Variants in CDH12 observed in about 807,000 individuals in gnomAD.
CDH12 encodes cadherin-12.
In CDH12, 41 loss-of-function variants were observed where a neutral mutation model predicts 74.1. The observed-to-expected ratio is 0.55, with a 90% CI of 0.43 to 0.72. The LOEUF is 0.72. Ranked by LOEUF, CDH12 falls within the 30% of genes least tolerant of loss-of-function variation. CDH12 has a pLI of 0.00. For synonymous variants in CDH12, 399 were observed against 355.0 expected (o/e 1.12, Z -1.39); for missense variants, 945 against 977.2 (o/e 0.97, Z 0.44).
At chr5:22,173,558 T>C (rs1749164740) in intron 4 of CDH12, among the ~76,000 whole-genome samples, 1 of 151,288 alleles carries the variant, frequency 6.6e-6, no homozygotes, top group African/African-American at 2.4e-5. Flanking sequence ...ATATACAGAT[T>C]AGATATTCAA....
At chr5:22,339,140 G>A (rs1005054414) in intron 3 of CDH12, among the ~76,000 whole-genome samples, 3 of 152,106 alleles carry the variant, frequency 2.0e-5, no homozygotes, top group Admixed American at 2.0e-4. Context: ...ACAAATGTTT[G>A]TTTTTTTAAG....
chr5:22,660,713 G>T (rs1265520196), intron 1 of CDH12, among the ~76,000 whole-genome samples: 1 of 152,114 alleles, frequency 6.6e-6, no homozygotes, highest in Non-Finnish European at 1.5e-5. Context: ...CCACTGCCTG[G>T]CCCAGGGTTT....
At chr5:22,759,087 G>A (rs969653554) in intron 1 of CDH12, among the ~76,000 whole-genome samples, 3 of 151,806 alleles carry the variant, frequency 2.0e-5, no homozygotes, top group African/African-American at 7.3e-5. Flanking sequence ...ACCCAAACAA[G>A]TCCAAAAGAT....
intron 1 of CDH12, among the ~76,000 whole-genome samples, chr5:22,842,416 T>C (rs1467732876): frequency 6.6e-6 from 1 of 152,128 alleles, no homozygotes; most frequent in Non-Finnish European, 1.5e-5. Context: ...ATCCAATACA[T>C]GGCTGCCCAT....
intron 3 of CDH12, among the ~76,000 whole-genome samples, chr5:22,326,298 G>C (rs1420965719): frequency 1.3e-4 from 20 of 151,752 alleles, no homozygotes; most frequent in African/African-American, 2.4e-5. Flanking sequence ...GCAGTGGCGC[G>C]ATCTCGGCTC....
At chr5:22,030,207 A>G (rs1738719708) in intron 5 of CDH12, among the ~76,000 whole-genome samples, 1 of 152,090 alleles carries the variant, frequency 6.6e-6, no homozygotes, top group South Asian at 2.1e-4. Context: ...TGGCACATGT[A>G]TACATATGTA....
At chr5:22,598,237 AC>A (rs1736693165) in intron 1 of CDH12, among the ~76,000 whole-genome samples, 1 of 152,176 alleles carries the variant, frequency 6.6e-6, no homozygotes, top group Non-Finnish European at 1.5e-5. Flanking sequence ...ACAAAAATAA[AC>A]ATATTGATAT....
rs537405216 is a variant in CDH12, at chr5:22,309,227, T to C, written c.-333+96030A>G. Among the ~76,000 whole-genome samples, 9 of 152,326 alleles carry C rather than the reference T, an allele frequency of 5.9e-5. No individual in the cohort carries two copies. In the South Asian group the frequency reaches 1.9e-3, roughly 32 times the overall value. On this transcript the variant is annotated intron_variant, in intron 3 of 14. Coordinates refer to ENST00000382254, the MANE Select transcript of CDH12 (RefSeq NM_004061.5). Reference sequence around the variant, plus strand: ...AAATATTCCTTCTTCTCTAAGGTTGTTGTGTAAACCTATCAGATTAGTAAA... The same window carrying C: ...AAATATTCCTTCTTCTCTAAGGTTGCTGTGTAAACCTATCAGATTAGTAAA...
intron 1 of CDH12, among the ~76,000 whole-genome samples, chr5:22,510,537 G>C (rs976422182): frequency 6.6e-6 from 1 of 152,108 alleles, no homozygotes; most frequent in Non-Finnish European, 1.5e-5. Context: ...GTCATCCTTA[G>C]GCAGCCACAA....
chr5:21,826,631 T>C (rs769528281), intron 8 of CDH12, among the ~76,000 whole-genome samples: 7 of 152,158 alleles, frequency 4.6e-5, no homozygotes, highest in Non-Finnish European at 1.0e-4. Context: ...TAAAAACTCA[T>C]TGTCTTCTTT....
At chr5:22,735,083 T>C (rs756982753) in intron 1 of CDH12, among the ~76,000 whole-genome samples, 3 of 151,936 alleles carry the variant, frequency 2.0e-5, no homozygotes, top group Non-Finnish European at 4.4e-5. Flanking sequence ...CTGCAATTTA[T>C]AAGTTGTGTG....
intron 4 of CDH12, among the ~76,000 whole-genome samples, chr5:22,199,741 A>T (rs1413227227): frequency 1.3e-5 from 2 of 151,892 alleles, no homozygotes; most frequent in African/African-American, 4.8e-5. Flanking sequence ...TGTCTCTATT[A>T]TTTTTCTATT....
intron 3 of CDH12, among the ~76,000 whole-genome samples, chr5:22,215,132 A>C (rs1423315308): frequency 6.6e-6 from 1 of 152,148 alleles, no homozygotes; most frequent in Non-Finnish European, 1.5e-5. Flanking sequence ...AGACATTATA[A>C]TATTTTATTT....
Position 22,751,564 on chromosome 5 carries a change from T to C in CDH12, c.-523+101494A>G, listed in dbSNP as rs183025041. Among the ~76,000 whole-genome samples the C allele has an allele frequency of 8.5e-3, 1,289 of 152,160 alleles. 12 individuals carry two copies. The highest frequency in any genetic ancestry group is 0.013 in the Non-Finnish European group (881 of 67,940). ...CTGTTAGCGTCTGGAGTATTTCTCATCATTCTTAAAATAGACAACAGTAAT... is the reference window on the plus strand; with the variant it reads ...CTGTTAGCGTCTGGAGTATTTCTCACCATTCTTAAAATAGACAACAGTAAT... On this transcript the variant is annotated intron_variant, in intron 1 of 14. Coordinates refer to ENST00000382254, the MANE Select transcript of CDH12 (RefSeq NM_004061.5).
At chr5:22,237,846 T>G (rs1020353278) in intron 3 of CDH12, among the ~76,000 whole-genome samples, 1 of 152,184 alleles carries the variant, frequency 6.6e-6, no homozygotes, top group Non-Finnish European at 1.5e-5. Flanking sequence ...TATACATACA[T>G]TTTTTAATGG....
At chr5:21,879,235 AAAC>A (rs1229204035) in intron 6 of CDH12, among the ~76,000 whole-genome samples, 5 of 151,720 alleles carry the variant, frequency 3.3e-5, no homozygotes, top group African/African-American at 1.2e-4. Flanking sequence ...AGCCCACTGA[AAAC>A]AAATTAAAAT....
chr5:22,520,515 G>T (rs992266423), intron 1 of CDH12, among the ~76,000 whole-genome samples: 1 of 152,104 alleles, frequency 6.6e-6, no homozygotes, highest in East Asian at 1.9e-4. Flanking sequence ...GGAGGGCATG[G>T]ATACTTGTAT....
chr5:22,631,524 C>T (rs138177231), intron 1 of CDH12, among the ~76,000 whole-genome samples: 2 of 152,058 alleles, frequency 1.3e-5, no homozygotes, highest in African/African-American at 2.4e-5. Flanking sequence ...TTAAGTGAAC[C>T]GGTGCAGGGA....
chr5:22,393,243 C>T (rs1742320865), intron 3 of CDH12, among the ~76,000 whole-genome samples: 1 of 152,066 alleles, frequency 6.6e-6, no homozygotes, highest in Non-Finnish European at 1.5e-5. Context: ...GAAAAGGAGA[C>T]AATTTTACCA....
Sources: allele counts gnomAD v4.1 joint callset (sites outside exome capture counted in the v4.1 genomes callset), GRCh38; gene constraint gnomAD v4.1.1; transcripts MANE v1.5; gene names NCBI Gene and HGNC (gene_info 2026-07-23, HGNC 2026-07-21).